CHM: variants seen among roughly 807,000 people sequenced by gnomAD.
CHM encodes rab proteins geranylgeranyltransferase component A 1.
Under a neutral mutation model 49.0 loss-of-function variants are expected in CHM, and 10 were observed. That is an observed-to-expected ratio of 0.20 (90% CI 0.13 to 0.35). CHM has a LOEUF of 0.35. Among genes scored for constraint, CHM ranks in the 10% least tolerant of loss-of-function variants. The probability of loss-of-function intolerance (pLI) is 1.00; values close to 1 mark genes in which losing one functional copy is unlikely to be tolerated. For missense variants in CHM, 455 were observed against 478.4 expected (o/e 0.95, Z 0.46); for synonymous variants, 184 against 167.5 (o/e 1.10, Z -0.76).
chrX:85,889,430 A>C (rs1925303866), intron 12 of CHM, among the ~76,000 whole-genome samples: 1 of 112,581 alleles, frequency 8.9e-6, no homozygotes, highest in Non-Finnish European at 1.9e-5. Flanking sequence ...GAAGATACAT[A>C]AGTAGCCAAC....
At chrX:86,021,310 A>G (rs1396603193) in intron 2 of CHM, among the ~76,000 whole-genome samples, 1 of 106,937 alleles carries the variant, frequency 9.4e-6, no homozygotes, top group Non-Finnish European at 1.9e-5. Flanking sequence ...ACTATGAAGC[A>G]CTGTTATAAA....
intron 1 of CHM, among the ~76,000 whole-genome samples, chrX:86,037,260 G>T (rs1288769367): frequency 9.2e-6 from 1 of 108,393 alleles, no homozygotes; most frequent in Admixed American, 9.9e-5. Flanking sequence ...GGGATTACAG[G>T]CTCCTGCCAC....
At chrX:85,889,950 T>C (rs949130250) in intron 12 of CHM, among the ~76,000 whole-genome samples, 7 of 110,957 alleles carry the variant, frequency 6.3e-5, no homozygotes, top group Non-Finnish European at 1.1e-4. Flanking sequence ...AACACAGAAA[T>C]AGAAATCCAA....
intron 8 of CHM, among the ~76,000 whole-genome samples, chrX:85,928,503 A>G (rs1409498289): frequency 8.9e-6 from 1 of 111,859 alleles, no homozygotes; most frequent in East Asian, 2.8e-4. Flanking sequence ...AGATCGCGCC[A>G]CTGCACTACA....
chrX:86,008,248 G>C (rs1932910705), intron 2 of CHM, among the ~76,000 whole-genome samples: 1 of 111,049 alleles, frequency 9.0e-6, no homozygotes, highest in African/African-American at 3.3e-5. Context: ...CACACACCGG[G>C]GCCTGTCGGC....
chrX:86,045,805 TA>T (rs1243730223), intron 1 of CHM, among the ~76,000 whole-genome samples: 4 of 112,253 alleles, frequency 3.6e-5, no homozygotes, highest in Non-Finnish European at 7.5e-5. Context: ...AAAAAATTGT[TA>T]AAAACACCTC....
At chrX:85,977,232 T>G (rs1040005628) in intron 4 of CHM, among the ~76,000 whole-genome samples, 3 of 112,172 alleles carry the variant, frequency 2.7e-5, no homozygotes, top group Non-Finnish European at 3.8e-5. Flanking sequence ...TACTATGACA[T>G]TAATAACCAG....
intron 12 of CHM, among the ~76,000 whole-genome samples, chrX:85,890,952 G>A (rs987431906): frequency 6.3e-5 from 7 of 111,529 alleles, no homozygotes; most frequent in African/African-American, 2.3e-4. Context: ...TCCAGGCTGA[G>A]GTGGTCTCAG....
At chrX:85,878,147 G>A (rs139656562) in intron 13 of CHM, among the ~76,000 whole-genome samples, 2 of 111,744 alleles carry the variant, frequency 1.8e-5, no homozygotes, top group African/African-American at 6.5e-5. Context: ...ATACACTTTT[G>A]GGAGTTAAAT....
At chrX:85,990,385 G>A (rs1055032205) in intron 2 of CHM, among the ~76,000 whole-genome samples, 1 of 111,584 alleles carries the variant, frequency 9.0e-6, no homozygotes, top group African/African-American at 3.3e-5. Context: ...TTTGGATACT[G>A]CGCTTAATAC....
rs770989320 is a variant in CHM at position 85,913,958 on chromosome X, G to A, written c.1167-2620C>T. Among the ~76,000 whole-genome samples, 5 of 111,262 alleles carry A rather than the reference G, an allele frequency of 4.5e-5. No individual in the cohort carries two copies. In the South Asian group the frequency reaches 2.0e-3, roughly 44 times the overall value. On this transcript the variant is annotated intron_variant, in intron 8 of 14. Coordinates refer to ENST00000357749, the MANE Select transcript of CHM (RefSeq NM_000390.4). ...AATGCAGGCCCCAGGGCTGAAAAGG[G>A]AGGAGGCCGAGAAGACTCCATGGGG... is the stretch of plus-strand genomic sequence containing the variant.
At chrX:85,913,376 G>GAAAGAAAGAAAGAAAGAAAT (rs1927233836) in intron 8 of CHM, among the ~76,000 whole-genome samples, 1 of 89,833 alleles carries the variant, frequency 1.1e-5, no homozygotes, top group Non-Finnish European at 2.3e-5. Flanking sequence ...AAGAAAGAAA[G>GAAAGAAAGAAAGAAAGAAAT]AAAGAAAGAA....
intron 8 of CHM, among the ~76,000 whole-genome samples, chrX:85,918,066 C>T (rs1927560872): frequency 9.0e-6 from 1 of 111,040 alleles, no homozygotes; most frequent in African/African-American, 3.3e-5. Flanking sequence ...TTCCAAGAAC[C>T]CCTGTGAGAT....
Position 85,956,364 on chromosome X carries a change from T to C in CHM, c.955A>G (p.Thr319Ala). 1 of 1,209,473 alleles carries C rather than the reference T, an allele frequency of 8.3e-7. No homozygotes were observed. The highest frequency in any genetic ancestry group is 1.1e-6 in the Non-Finnish European group (1 of 894,000). Residue 319 changes from threonine to alanine, a missense_variant, in exon 8 of 15, where the codon ACA (threonine) becomes GCA (alanine). Coordinates refer to ENST00000357749, the MANE Select transcript of CHM (RefSeq NM_000390.4). ...PDEYKGYEEITFYEYLKTQKL... is the reference protein window; with the variant it reads ...PDEYKGYEEIAFYEYLKTQKL... ...TGAGTCTTTAAATATTCATAAAATGTGATCTCTTCATATCCTATGAAAAGA... is the reference window on the plus strand; with the variant it reads ...TGAGTCTTTAAATATTCATAAAATGCGATCTCTTCATATCCTATGAAAAGA...
chrX:85,868,254 G>C (rs774935147), intron 14 of CHM, among the ~76,000 whole-genome samples: 5 of 111,567 alleles, frequency 4.5e-5, no homozygotes, highest in Admixed American at 9.5e-5. Context: ...GGGGAGTGTA[G>C]AGCTGTTGGT....
intron 14 of CHM, among the ~76,000 whole-genome samples, 185 bp downstream of exon 14, chrX:85,872,867 C>T (rs750478163): frequency 1.8e-5 from 2 of 111,784 alleles, no homozygotes; most frequent in South Asian, 7.4e-4. Context: ...AGTGAAAATA[C>T]CTGATCCTGT....
rs181097221 is a variant in CHM, at chrX:86,029,476, G to A, written c.50-1919C>T. 2.7e-5 allele frequency among the ~76,000 whole-genome samples: 3 copies of A among 111,600 alleles called. No homozygotes were observed. The Admixed American group carries it at 2.8e-4, about 11-fold the overall frequency. On this transcript the variant is annotated intron_variant, in intron 1 of 14. Coordinates refer to ENST00000357749, the MANE Select transcript of CHM (RefSeq NM_000390.4). Reference sequence around the variant, plus strand: ...TAATAATCACAGCATTAATAACAATGCCACCAAATATTAGTATAGGGTTTT... The same window carrying A: ...TAATAATCACAGCATTAATAACAATACCACCAAATATTAGTATAGGGTTTT...
chrX:85,867,104 G>A (rs1923749322), intron 14 of CHM, among the ~76,000 whole-genome samples: 1 of 111,561 alleles, frequency 9.0e-6, no homozygotes, highest in South Asian at 3.8e-4. Context: ...AGAATGATAT[G>A]GTTTGGCTCT....
intron 8 of CHM, among the ~76,000 whole-genome samples, chrX:85,932,279 C>T (rs1928481809): frequency 8.9e-6 from 1 of 111,979 alleles, no homozygotes; most frequent in Admixed American, 9.5e-5. Context: ...AAGACTATCT[C>T]TCTAAAGAAT....
Sources: allele counts gnomAD v4.1 joint callset (sites outside exome capture counted in the v4.1 genomes callset), GRCh38; gene constraint gnomAD v4.1.1; transcripts MANE v1.5; gene names NCBI Gene and HGNC (gene_info 2026-07-23, HGNC 2026-07-21).